Variants in CDKL3 observed in about 807,000 individuals in gnomAD.
CDKL3 encodes cyclin-dependent kinase-like 3.
A neutral mutation model predicts 69.3 loss-of-function variants in CDKL3; 65 were observed. That is an observed-to-expected ratio of 0.94 (90% CI 0.77 to 1.15). The LOEUF (loss-of-function observed/expected upper bound fraction) is 1.15, where lower values mean the gene tolerates loss of function less well. Ranked by LOEUF, CDKL3 falls within the 50% of genes most tolerant of loss-of-function variation. The pLI is 0.00. For missense variants in CDKL3, 652 were observed against 689.2 expected (o/e 0.95, Z 0.61); for synonymous variants, 202 against 221.6 (o/e 0.91, Z 0.79).
chr5:134,305,937 T>C (rs937707394), intron 10 of CDKL3, among the ~76,000 whole-genome samples: 9 of 152,186 alleles, frequency 5.9e-5, no homozygotes, highest in Non-Finnish European at 1.0e-4. Context: ...ATAAGTTGTG[T>C]TTATTTGGCA....
At chr5:134,357,600 C>A (rs1007092956) in intron 3 of CDKL3, among the ~76,000 whole-genome samples, 7 of 152,142 alleles carry the variant, frequency 4.6e-5, no homozygotes, top group Non-Finnish European at 1.0e-4. Flanking sequence ...CCATTGTACT[C>A]CAGCCTGGGT....
At chr5:134,355,235 GA>G (rs60153337) in intron 3 of CDKL3, among the ~76,000 whole-genome samples, 15,682 of 74,448 alleles carry the variant, frequency 0.21, 914 homozygotes, top group African/African-American at 0.32. Context: ...TCTGTCTCAG[GA>G]AAAAAAAAAA....
At chr5:134,320,941 A>G (rs1772578921) in intron 5 of CDKL3, among the ~76,000 whole-genome samples, 1 of 151,780 alleles carries the variant, frequency 6.6e-6, no homozygotes, top group African/African-American at 2.4e-5. Flanking sequence ...TTCAAGGCTA[A>G]CCATCATAAT....
chr5:134,289,349 T>A (rs561702724), intron 8 of CDKL3, among the ~76,000 whole-genome samples: 14 of 152,228 alleles, frequency 9.2e-5, no homozygotes, highest in African/African-American at 3.4e-4. Flanking sequence ...GATGGCAGAA[T>A]TATTATATAA....
At chr5:134,346,100 C>T (rs2149583402) in intron 4 of CDKL3, among the ~76,000 whole-genome samples, 1 of 152,278 alleles carries the variant, frequency 6.6e-6, no homozygotes, top group African/African-American at 2.4e-5. Context: ...TTCCTCTTCC[C>T]CAAAGCAAGC....
chr5:134,356,081 AC>A (rs1754539364), intron 3 of CDKL3, among the ~76,000 whole-genome samples: 1 of 152,188 alleles, frequency 6.6e-6, no homozygotes, highest in Non-Finnish European at 1.5e-5. Flanking sequence ...TATACAACTT[AC>A]CATAATGTAG....
intron 7 of CDKL3, 38 bp from the exon 8 acceptor site, chr5:134,308,765 T>A: frequency 6.6e-7 from 1 of 1,510,084 alleles, no homozygotes; most frequent in Non-Finnish European, 8.9e-7. Flanking sequence ...AATCTTTTTA[T>A]ATATGCAGAT....
At chr5:134,313,896 G>T (rs1183268299) in intron 6 of CDKL3, among the ~76,000 whole-genome samples, 1 of 151,976 alleles carries the variant, frequency 6.6e-6, no homozygotes, top group East Asian at 1.9e-4. Context: ...CCAGCACTTT[G>T]GGGGGCAACA....
intron 4 of CDKL3, among the ~76,000 whole-genome samples, chr5:134,326,855 A>ATG (rs1774485478): frequency 1.9e-5 from 2 of 104,036 alleles, no homozygotes; most frequent in Admixed American, 1.0e-4. Flanking sequence ...ATATATATAT[A>ATG]TATATATATA....
intron 11 of CDKL3, 149 bp from the exon 12 acceptor site, chr5:134,302,836 A>G: frequency 1.9e-6 from 1 of 532,250 alleles, no homozygotes; most frequent in Non-Finnish European, 3.3e-6. Context: ...TGTAATGGTA[A>G]AATATGGTAA....
At chr5:134,351,274 A>G (rs1753243267) in intron 3 of CDKL3, among the ~76,000 whole-genome samples, 1 of 152,116 alleles carries the variant, frequency 6.6e-6, no homozygotes, top group South Asian at 2.1e-4. Flanking sequence ...CTTCATATGT[A>G]TCAAGTTTCC....
upstream of CDKL3, chr5:134,367,493 C>T (rs1168060488): frequency 4.2e-6 from 3 of 714,072 alleles, no homozygotes; most frequent in African/African-American, 1.9e-5. Context: ...CCTGCCTCAG[C>T]CTCCCGAGTA....
At chr5:134,363,662 T>C (rs1335456051) in intron 2 of CDKL3, among the ~76,000 whole-genome samples, 2 of 152,042 alleles carry the variant, frequency 1.3e-5, no homozygotes, top group East Asian at 3.9e-4. Context: ...GGTTTCACCA[T>C]GTTGCCCAGG....
chr5:134,304,753 A>G (rs1009609344), intron 10 of CDKL3, among the ~76,000 whole-genome samples, 186 bp from the exon 11 acceptor site: 2 of 151,526 alleles, frequency 1.3e-5, no homozygotes, highest in Non-Finnish European at 2.9e-5. Flanking sequence ...AGTTTCATAA[A>G]GCAAACATTT....
intron 10 of CDKL3, 45 bp downstream of exon 10, chr5:134,306,564 A>T: frequency 1.9e-6 from 2 of 1,078,766 alleles, no homozygotes; most frequent in African/African-American, 1.6e-5. Context: ...AAAAAGAAGT[A>T]ATGTTAAAAG....
chr5:134,353,218 C>G (rs1753748429), intron 3 of CDKL3, among the ~76,000 whole-genome samples: 1 of 152,148 alleles, frequency 6.6e-6, no homozygotes, highest in Non-Finnish European at 1.5e-5. Flanking sequence ...ATAAATCCCA[C>G]AAAACTAAGT....
intron 6 of CDKL3, among the ~76,000 whole-genome samples, chr5:134,316,338 G>A (rs376107901): frequency 1.3e-4 from 20 of 152,276 alleles, no homozygotes; most frequent in African/African-American, 2.9e-4. Context: ...GGTGGCTCAC[G>A]CGTGTAATCC....
intron 4 of CDKL3, among the ~76,000 whole-genome samples, chr5:134,337,847 A>G (rs1008455135): frequency 6.6e-6 from 1 of 152,180 alleles, no homozygotes; most frequent in Non-Finnish European, 1.5e-5. Context: ...CTCTTTTCCA[A>G]CTGATGTATT....
intron 3 of CDKL3, among the ~76,000 whole-genome samples, chr5:134,355,240 A>G (rs1434340377): frequency 1.3e-5 from 2 of 151,504 alleles, no homozygotes; most frequent in Non-Finnish European, 3.0e-5. Flanking sequence ...CTCAGGAAAA[A>G]AAAAAAAAAA....
Sources: gnomAD v4.1 joint callset for allele counts (sites outside exome capture counted in the v4.1 genomes callset) on GRCh38, gnomAD v4.1.1 for gene constraint, MANE v1.5 for transcripts, NCBI Gene and HGNC (gene_info 2026-07-23, HGNC 2026-07-21) for gene names.